The following POLK variants were observed in gnomAD, a reference collection of about 807,000 sequenced individuals.
POLK encodes polymerase (DNA directed) kappa.
A neutral mutation model predicts 94.0 loss-of-function variants in POLK; 76 were observed. That is an observed-to-expected ratio of 0.81 (90% CI 0.67 to 0.98). POLK has a LOEUF of 0.98. POLK is among the 50% of genes least tolerant of loss of function. The probability of loss-of-function intolerance (pLI) is 0.00; values close to 1 mark genes in which losing one functional copy is unlikely to be tolerated. For synonymous variants in POLK, 349 were observed against 325.4 expected (o/e 1.07, Z -0.78); for missense variants, 954 against 1,010.1 (o/e 0.94, Z 0.75).
chr5:75,511,406 G>A (rs963932914), upstream of POLK: 11 of 1,545,668 alleles, frequency 7.1e-6, no homozygotes, highest in African/African-American at 1.4e-5. Context: ...GAGGAAGGAG[G>A]ACGAGCGGTG....
chr5:75,596,161 A>G, intron 12 of POLK, 61 bp from the exon 13 acceptor site: 2 of 891,376 alleles, frequency 2.2e-6, no homozygotes, highest in Admixed American at 2.2e-5. Context: ...AAATGTTTTT[A>G]TGCATTGTGA....
At chr5:75,574,174 T>C (rs907799552) in intron 5 of POLK, among the ~76,000 whole-genome samples, 1 of 152,242 alleles carries the variant, frequency 6.6e-6, no homozygotes, top group Non-Finnish European at 1.5e-5. Flanking sequence ...TTTTTCTTAA[T>C]GTACAATATA....
rs1347001020 is a variant in POLK at position 75,578,392 on chromosome 5, G to C, written c.694+1459G>C. On this transcript the variant is annotated intron_variant, in intron 6 of 14. Coordinates refer to ENST00000241436, the Ensembl canonical transcript of POLK. ...GGCTGGTCTCAAACTCCTGACCTCA[G>C]GTGATCTGCCCGCCTCGGCCTTCCA... Among the ~76,000 whole-genome samples, 3 of 152,112 alleles carry C rather than the reference G, an allele frequency of 2.0e-5. No individual in the cohort carries two copies. The East Asian group carries it at 5.8e-4, about 29-fold the overall frequency.
chr5:75,544,290 G>A (rs1335118124), intron 1 of POLK, among the ~76,000 whole-genome samples: 4 of 152,182 alleles, frequency 2.6e-5, no homozygotes, highest in Admixed American at 1.3e-4. Context: ...CGGAGGCTGA[G>A]GTGGGAGGAT....
At chr5:75,609,003 A>C in the POLK span, 1 of 152,238 alleles carries the variant, frequency 6.6e-6, no homozygotes, top group Non-Finnish European at 1.5e-5. Context: ...ATTTAGCCCA[A>C]GCTGTCAGGG....
chr5:75,538,401 A>G (rs1769561762), intron 1 of POLK, among the ~76,000 whole-genome samples: 2 of 152,222 alleles, frequency 1.3e-5, no homozygotes, highest in South Asian at 2.1e-4. Context: ...AACATAAACC[A>G]CATATTGTGA....
At chr5:75,571,787 A>G (rs147125717) in intron 4 of POLK, among the ~76,000 whole-genome samples, 44 of 152,330 alleles carry the variant, frequency 2.9e-4, no homozygotes, top group African/African-American at 9.6e-4. Flanking sequence ...TGATAAGAGT[A>G]ACTTGTAAAG....
chr5:75,602,737 A>G (rs144259054), downstream of POLK, among the ~76,000 whole-genome samples: 21 of 152,354 alleles, frequency 1.4e-4, no homozygotes, highest in African/African-American at 5.0e-4. Context: ...TTGCATGTGT[A>G]TAATCCTCTC....
intron 4 of POLK, among the ~76,000 whole-genome samples, chr5:75,570,507 C>A (rs1292208661): frequency 6.6e-6 from 1 of 152,104 alleles, no homozygotes; most frequent in African/African-American, 2.4e-5. Flanking sequence ...TCTGGACTTC[C>A]ACAGAAAAGA....
rs921602599 is a variant in POLK at position 75,539,071 on chromosome 5, C to T, written c.-13-7939C>T. On this transcript the variant is annotated intron_variant, in intron 1 of 14. Transcript: ENST00000241436. ...ACAGGCATGAGCCACCGTGCCCGGC[C>T]GTTTAAGTGTATTTTTATAGCACAG... 5.3e-4 allele frequency among the ~76,000 whole-genome samples: 80 copies of T among 152,270 alleles called. 1 individual carries two copies. Among genetic ancestry groups the T allele is most frequent in the Non-Finnish European group, 1.0e-4 (7 of 68,022 alleles).
chr5:75,581,525 C>G (rs776504726), intron 7 of POLK, 77 bp downstream of exon 7: 22 of 1,230,494 alleles, frequency 1.8e-5, no homozygotes, highest in African/African-American at 3.0e-5. Flanking sequence ...TTAGTAGTTT[C>G]TCATTATAAA....
chr5:75,609,887 C>G, the POLK span: 3 of 152,220 alleles, frequency 2.0e-5, no homozygotes, highest in African/African-American at 7.2e-5. Context: ...AAGGGAAAAA[C>G]TGACAAGTTT....
intron 1 of POLK, among the ~76,000 whole-genome samples, chr5:75,533,901 T>G (rs1769311148): frequency 6.6e-6 from 1 of 152,250 alleles, no homozygotes; most frequent in African/African-American, 2.4e-5. Flanking sequence ...AGGTTGCTGG[T>G]GTACAGGAAT....
chr5:75,561,281 T>G (rs1049019964), intron 3 of POLK, among the ~76,000 whole-genome samples: 4 of 152,204 alleles, frequency 2.6e-5, no homozygotes, highest in African/African-American at 9.6e-5. Flanking sequence ...TGTGCTTTTT[T>G]GTTTGTTGGC....
At chr5:75,524,012 C>A (rs779852166) in intron 1 of POLK, among the ~76,000 whole-genome samples, 9 of 152,002 alleles carry the variant, frequency 5.9e-5, no homozygotes, top group Non-Finnish European at 1.3e-4. Flanking sequence ...CACCTGTAAT[C>A]CCAGCTACTC....
chr5:75,564,297 T>G (rs1368755949), intron 3 of POLK, among the ~76,000 whole-genome samples: 3 of 152,086 alleles, frequency 2.0e-5, no homozygotes, highest in Non-Finnish European at 4.4e-5. Context: ...TTCCTCCATG[T>G]CTTTATTTTG....
intron 2 of POLK, among the ~76,000 whole-genome samples, chr5:75,548,717 T>C (rs566128855): frequency 6.6e-6 from 1 of 151,364 alleles, no homozygotes; most frequent in African/African-American, 2.4e-5. Flanking sequence ...GAGGGGAAAG[T>C]GTGTGTGTGT....
At chr5:75,519,249 G>T (rs1768459529) in intron 1 of POLK, among the ~76,000 whole-genome samples, 1 of 152,182 alleles carries the variant, frequency 6.6e-6, no homozygotes, top group Non-Finnish European at 1.5e-5. Context: ...GGTTACAAAA[G>T]ATATGTGATA....
At chr5:75,531,037 G>T (rs977570383) in intron 1 of POLK, among the ~76,000 whole-genome samples, 2 of 151,628 alleles carry the variant, frequency 1.3e-5, no homozygotes, top group Non-Finnish European at 2.9e-5. Flanking sequence ...TCGATCTCCT[G>T]ACCTCGTGAT....
Sources: allele counts gnomAD v4.1 joint callset (sites outside exome capture counted in the v4.1 genomes callset), GRCh38; gene constraint gnomAD v4.1.1; transcripts MANE v1.5; gene names NCBI Gene and HGNC (gene_info 2026-07-23, HGNC 2026-07-21).